Variants in PPEF1 observed in about 807,000 individuals in gnomAD.
PPEF1 encodes the protein protein phosphatase with EF-hand domain 1.
PPEF1 carries 12 observed loss-of-function variants against 53.3 expected under a neutral mutation model. The ratio of observed to expected loss-of-function variants is 0.23; its 90% CI spans 0.14 to 0.36. PPEF1 has a LOEUF of 0.36. Among genes scored for constraint, PPEF1 ranks in the 10% least tolerant of loss-of-function variants. PPEF1 has a pLI of 1.00. For synonymous variants in PPEF1, 165 were observed against 176.7 expected, an observed-to-expected ratio of 0.93 and a Z score of 0.52; for missense variants, 334 against 490.4, an observed-to-expected ratio of 0.68 and a Z score of 3.01.
intron 4 of PPEF1, among the ~76,000 whole-genome samples, chrX:18,692,544 G>T (rs969609198): frequency 9.0e-6 from 1 of 111,652 alleles, no homozygotes; most frequent in African/African-American, 3.3e-5. Context: ...AGACCTGTGG[G>T]GTTTGTTACA....
intron 5 of PPEF1, among the ~76,000 whole-genome samples, chrX:18,760,572 G>A (rs1487486735): frequency 1.8e-5 from 2 of 110,587 alleles, no homozygotes; most frequent in African/African-American, 3.3e-5. Flanking sequence ...CAGTGTGGGT[G>A]TACAGAATAA....
chrX:18,805,341 G>T (rs773946530), intron 11 of PPEF1, among the ~76,000 whole-genome samples: 2 of 112,026 alleles, frequency 1.8e-5, no homozygotes, highest in South Asian at 7.5e-4. Context: ...ACCAAGTTGT[G>T]TGGCATTTCC....
intron 4 of PPEF1, among the ~76,000 whole-genome samples, chrX:18,752,299 C>T (rs1422276277): frequency 2.7e-5 from 3 of 111,030 alleles, no homozygotes; most frequent in Admixed American, 9.6e-5. Flanking sequence ...TTTGATTGCT[C>T]ATTACTTGTG....
chrX:18,712,965 A>G (rs947964651), intron 1 of PPEF1, among the ~76,000 whole-genome samples: 4 of 112,034 alleles, frequency 3.6e-5, no homozygotes, highest in Admixed American at 2.9e-4. Flanking sequence ...TCGCATTCCT[A>G]GGATAAATCC....
chrX:18,731,801 T>A (rs1284677821), intron 2 of PPEF1, among the ~76,000 whole-genome samples: 3 of 112,459 alleles, frequency 2.7e-5, no homozygotes, highest in Admixed American at 9.5e-5. Flanking sequence ...GACTAAGCTA[T>A]TTTCTATCTC....
intron 3 of PPEF1, among the ~76,000 whole-genome samples, chrX:18,687,682 C>A (rs977418125): frequency 1.6e-3 from 95 of 60,523 alleles, no homozygotes; most frequent in Non-Finnish European, 2.2e-3. Context: ...TTTAAATATT[C>A]TTCTTTTTTT....
upstream of PPEF1, among the ~76,000 whole-genome samples, chrX:18,702,964 C>A (rs2044115720): frequency 9.0e-6 from 1 of 111,364 alleles, no homozygotes. Context: ...AGCCTGAGAA[C>A]CCTTTTCAGG....
intron 10 of PPEF1, among the ~76,000 whole-genome samples, chrX:18,796,766 A>T (rs1377496795): frequency 8.9e-6 from 1 of 111,894 alleles, no homozygotes; most frequent in Non-Finnish European, 1.9e-5. Context: ...CAAAATATTT[A>T]AAAATCAAGT....
rs563027190 is a variant in PPEF1 at position 18,780,948 on chromosome X, C to T, written c.726-1418C>T. On this transcript the variant is annotated intron_variant, in intron 7 of 15. Coordinates refer to ENST00000470157, the MANE Select transcript of PPEF1 (RefSeq NM_001377996.1). ...GCGGGCGCCTGTAGTCCCAGCTACT[C>T]GGGAGGCTGAGGCAGGAGAATGGCG... Among the ~76,000 whole-genome samples, 3 of 108,333 alleles carry T rather than the reference C, an allele frequency of 2.8e-5. No homozygotes were observed. The South Asian group carries it at 1.2e-3, about 45-fold the overall frequency. The allele number at this position is 108,333 out of a possible 115,157, so 94.1% of individuals were successfully genotyped here. A position where few individuals can be genotyped will look rare whatever the true frequency, so the allele number is the denominator to read the frequency against.
intron 1 of PPEF1, among the ~76,000 whole-genome samples, chrX:18,712,703 A>G (rs1411181846): frequency 1.8e-5 from 2 of 112,156 alleles, no homozygotes; most frequent in Non-Finnish European, 3.8e-5. Context: ...CTTAAGGGAG[A>G]AACATTCAGT....
At chrX:18,764,139 G>A (rs2045721400) in intron 6 of PPEF1, among the ~76,000 whole-genome samples, 1 of 111,228 alleles carries the variant, frequency 9.0e-6, no homozygotes, top group South Asian at 3.8e-4. Flanking sequence ...AGTGCAGGGG[G>A]AGCAGTCCCA....
chrX:18,821,390 T>A, intron 13 of PPEF1, among the ~76,000 whole-genome samples: 1 of 106,658 alleles, frequency 9.4e-6, no homozygotes, highest in African/African-American at 3.4e-5. Flanking sequence ...ATTAACAAAG[T>A]AAAAAAAAAA....
At chrX:18,787,240 G>A (rs1389970099) in intron 9 of PPEF1, among the ~76,000 whole-genome samples, 1 of 111,058 alleles carries the variant, frequency 9.0e-6, no homozygotes, top group Non-Finnish European at 1.9e-5. Flanking sequence ...TGTGGCAGGA[G>A]GGACCATACT....
At chrX:18,723,090 T>C (rs1157511298) in intron 1 of PPEF1, among the ~76,000 whole-genome samples, 1 of 110,086 alleles carries the variant, frequency 9.1e-6, no homozygotes, top group African/African-American at 3.3e-5. Context: ...GTTCAAGCAA[T>C]TGTCCTGCCT....
intron 3 of PPEF1, among the ~76,000 whole-genome samples, chrX:18,747,982 T>TTGGATATAATTTTCAATTTTCA (rs2045364406): frequency 8.9e-6 from 1 of 112,035 alleles, no homozygotes; most frequent in Non-Finnish European, 1.9e-5. Flanking sequence ...CAAGAACGAC[T>TTGGATATAATTTTCAATTTTCA]ACCAAATTGA....
intron 4 of PPEF1, among the ~76,000 whole-genome samples, chrX:18,755,065 T>C (rs2045518287): frequency 9.0e-6 from 1 of 111,413 alleles, no homozygotes; most frequent in South Asian, 3.7e-4. Flanking sequence ...ATATGCTTAA[T>C]ATAAGTTCAA....
intron 10 of PPEF1, among the ~76,000 whole-genome samples, chrX:18,798,496 G>A (rs946880551): frequency 1.8e-5 from 2 of 111,868 alleles, no homozygotes; most frequent in African/African-American, 6.5e-5. Flanking sequence ...AGATGAGAGT[G>A]ACAGGCATTC....
chrX:18,766,020 G>A lies in PPEF1; in HGVS notation c.558+4444G>A, dbSNP rs538363244. On this transcript the variant is annotated intron_variant, in intron 6 of 15. Transcript: ENST00000470157. ...GTGGAGGTTGCAATGAGCCAAGATC[G>A]CACCATTGCACTTCAGCCTGGGGGA... Among the ~76,000 whole-genome samples, 20 of 99,067 alleles carry A rather than the reference G, an allele frequency of 2.0e-4. No homozygotes were observed. The South Asian group carries it at 6.0e-3, about 30-fold the overall frequency. The allele number at this position is 99,067 out of a possible 115,157, so 86.0% of individuals were successfully genotyped here. A position where few individuals can be genotyped will look rare whatever the true frequency, so the allele number is the denominator to read the frequency against.
rs369212515 is a variant in PPEF1 at position 18,821,148 on chromosome X, A to G, written c.1502-2775A>G. Among the ~76,000 whole-genome samples the G allele has an allele frequency of 7.6e-5, 8 of 105,265 alleles. No homozygotes were observed. The South Asian group carries it at 1.4e-3, about 18-fold the overall frequency. The allele number at this position is 105,265 out of a possible 115,157, so 91.4% of individuals were successfully genotyped here. A position where few individuals can be genotyped will look rare whatever the true frequency, so the allele number is the denominator to read the frequency against. ...TGAGGCAGGAGAATGGCATGAACCC[A>G]GGAGGCGCAGCTTGCAGTGAGCCGA... On this transcript the variant is annotated intron_variant, in intron 13 of 15. Transcript: ENST00000470157.
Sources: allele counts gnomAD v4.1 joint callset (sites outside exome capture counted in the v4.1 genomes callset), GRCh38; gene constraint gnomAD v4.1.1; transcripts MANE v1.5; gene names NCBI Gene and HGNC (gene_info 2026-07-23, HGNC 2026-07-21).